Variants in RYR2 observed in about 807,000 individuals in gnomAD.
RYR2 encodes cardiac muscle ryanodine receptor-calcium release channel.
Under a neutral mutation model 601.1 loss-of-function variants are expected in RYR2, and 227 were observed. The ratio of observed to expected loss-of-function variants is 0.38; its 90% CI spans 0.34 to 0.42. The LOEUF is 0.42. Among genes scored for constraint, RYR2 ranks in the 10% least tolerant of loss-of-function variants. The pLI, the probability that RYR2 is intolerant of heterozygous loss-of-function variation, is 1.00. For missense variants in RYR2, 4,646 were observed against 6,156.5 expected (o/e 0.75, Z 8.21); for synonymous variants, 2,223 against 2,175.1 (o/e 1.02, Z -0.61).
intron 25 of RYR2, among the ~76,000 whole-genome samples, chr1:237,547,814 C>A (rs1047320370): frequency 6.6e-6 from 1 of 152,162 alleles, no homozygotes; most frequent in Non-Finnish European, 1.5e-5. Flanking sequence ...GCTAAGAGAT[C>A]CTTGAACTCT....
At position 237,456,604 on chromosome 1, in the gene RYR2, T is replaced by C; in HGVS notation, c.1481T>C (p.Met494Thr). 6.6e-7 allele frequency: 1 copy of C among 1,506,868 alleles called. No homozygotes were observed. The highest frequency in any genetic ancestry group is 2.4e-5 in the East Asian group (1 of 41,704). The allele number at this position is 1,506,868 out of a possible 1,614,324, so 93.3% of individuals were successfully genotyped here. The change falls in exon 16 of 105, where the codon ATG becomes ACG. Residue 494 changes from methionine to threonine, a missense_variant. By Grantham distance (81) the Met-to-Thr change is moderately conservative. This residue lies in a region of RYR2 where 1,807 missense variants were observed against 2,088.1 expected (regional missense o/e 0.87). Transcript: ENST00000366574. ...NRQNLFQEEG[M>T]INLVLECIDR... ...TTTTTTTTTTTAACGTTCCAGGGAA[T>C]GATCAACCTCGTGCTTGAGTGCATA... is the stretch of plus-strand genomic sequence containing the variant.
intron 1 of RYR2, among the ~76,000 whole-genome samples, chr1:237,084,423 C>A (rs1666079707): frequency 6.6e-6 from 1 of 152,186 alleles, no homozygotes; most frequent in Non-Finnish European, 1.5e-5. Context: ...TTGAATGGCA[C>A]TTGTAAGAAA....
At chr1:237,462,242 T>C (rs1659564928) in intron 16 of RYR2, among the ~76,000 whole-genome samples, 1 of 152,200 alleles carries the variant, frequency 6.6e-6, no homozygotes, top group South Asian at 2.1e-4. Flanking sequence ...GCCACTGTCT[T>C]TGTATTTTTT....
chr1:237,438,792 A>AATC (rs1707636601), intron 12 of RYR2, among the ~76,000 whole-genome samples: 1 of 152,210 alleles, frequency 6.6e-6, no homozygotes, highest in Admixed American at 6.5e-5. Context: ...GCCACCTACC[A>AATC]ATCACGCAAG....
At chr1:237,318,260 T>G (rs1695298707) in intron 2 of RYR2, among the ~76,000 whole-genome samples, 1 of 152,168 alleles carries the variant, frequency 6.6e-6, no homozygotes, top group African/African-American at 2.4e-5. Context: ...TTCCTTTCCC[T>G]TCCTTCATAC....
At chr1:237,506,130 T>G (rs1665201665) in intron 22 of RYR2, among the ~76,000 whole-genome samples, 1 of 150,964 alleles carries the variant, frequency 6.6e-6, no homozygotes, top group South Asian at 2.1e-4. Context: ...CCATATCCAT[T>G]AAACATCTTT....
chr1:237,213,638 C>A (rs1360806357), intron 1 of RYR2, among the ~76,000 whole-genome samples: 2 of 152,066 alleles, frequency 1.3e-5, no homozygotes, highest in Non-Finnish European at 2.9e-5. Flanking sequence ...AGATTATTTA[C>A]CCTTAGTGAA....
intron 71 of RYR2, among the ~76,000 whole-genome samples, chr1:237,714,818 A>G (rs755215225): frequency 3.3e-5 from 5 of 151,438 alleles, no homozygotes; most frequent in Non-Finnish European, 7.4e-5. Context: ...GTGAAACCCC[A>G]TCTCTACTAA....
chr1:237,832,447 C>A, intron 104 of RYR2, 105 bp from the exon 105 acceptor site: 1 of 595,270 alleles, frequency 1.7e-6, no homozygotes, highest in Non-Finnish European at 3.0e-6. Context: ...TTAATGTGGA[C>A]TTCTCTATTC....
chr1:237,317,645 T>C (rs1458033939), intron 2 of RYR2, among the ~76,000 whole-genome samples: 1 of 152,158 alleles, frequency 6.6e-6, no homozygotes, highest in Non-Finnish European at 1.5e-5. Flanking sequence ...TAACTTCTTT[T>C]CCAATCTGGA....
rs1679844291 is a variant in RYR2, at chr1:237,627,836, A to G, written c.6196A>G (p.Met2066Val). ...STLQQLISET[M>V]VRWAQESVIE... ...TCTGCAGCAGCTGATTTCTGAGACC[A>G]TGGTCCGATGGGCTCAGGAGTCTGT... The change falls in exon 41 of 105, where the codon ATG becomes GTG. Residue 2066 changes from methionine (M) to valine (V), a missense_variant. Met to Val is a conservative substitution (Grantham distance 21, BLOSUM62 1). Transcript: ENST00000366574. 1.2e-6 allele frequency: 2 copies of G among 1,609,304 alleles called. No individual in the cohort carries two copies. Among genetic ancestry groups the G allele is most frequent in the Non-Finnish European group, 1.7e-6 (2 of 1,176,428 alleles).
chr1:237,590,026 G>A (rs761437203), intron 30 of RYR2, 25 bp downstream of exon 30: 5 of 1,589,464 alleles, frequency 3.1e-6, no homozygotes, highest in Non-Finnish European at 4.3e-6. Flanking sequence ...TAAAAATCAG[G>A]CCATTTCTAA....
At chr1:237,098,850 A>T (rs1302829002) in intron 1 of RYR2, among the ~76,000 whole-genome samples, 1 of 152,204 alleles carries the variant, frequency 6.6e-6, no homozygotes, top group Non-Finnish European at 1.5e-5. Flanking sequence ...AGATGATTCA[A>T]TCCTGACTGA....
intron 1 of RYR2, among the ~76,000 whole-genome samples, chr1:237,109,500 A>C (rs12125175): frequency 7.2e-5 from 11 of 151,768 alleles, no homozygotes; most frequent in Non-Finnish European, 1.5e-5. Context: ...TATGCTTTCC[A>C]TCCCTAAAAC....
At chr1:237,454,595 A>G in intron 15 of RYR2, 21 bp downstream of exon 15, 3 of 1,608,656 alleles carry the variant, frequency 1.9e-6, no homozygotes, top group Non-Finnish European at 1.7e-6. Flanking sequence ...ATCAACACTC[A>G]TTTCTCTTCT....
At chr1:237,372,239 AATGTGTTACATCAC>A (rs763263324) in intron 6 of RYR2, among the ~76,000 whole-genome samples, 8 of 152,166 alleles carry the variant, frequency 5.3e-5, no homozygotes, top group Non-Finnish European at 1.0e-4. Context: ...CATTTCTTTT[AATGTGTTACATCAC>A]ATGAATAGGT....
intron 1 of RYR2, among the ~76,000 whole-genome samples, chr1:237,165,943 C>A (rs1352474958): frequency 6.6e-6 from 1 of 152,134 alleles, no homozygotes; most frequent in Non-Finnish European, 1.5e-5. Context: ...CTGCAGTGAG[C>A]TATGATGCTG....
At position 237,042,560 on chromosome 1, in the gene RYR2, C is replaced by T; in HGVS notation, c.39C>T (p.Phe13=). Residue 13 remains phenylalanine, a synonymous_variant, in exon 1 of 105, where the codon TTC becomes TTT. Transcript: ENST00000366574. ...GCGAGGGCGAAGACGAGATCCAGTTCCTGCGAACTGTAAGCGCCGTGCGTC... is the reference window on the plus strand; with the variant it reads ...GCGAGGGCGAAGACGAGATCCAGTTTCTGCGAACTGTAAGCGCCGTGCGTC... ...DGGEGEDEIQ[F]LRTDDEVVLQ... is the part of the protein sequence containing the mutation. The T allele has an allele frequency of 2.4e-6, 3 of 1,262,006 alleles. No individual in the cohort carries two copies. Among genetic ancestry groups the T allele is most frequent in the Non-Finnish European group, 3.0e-6 (3 of 995,844 alleles). The allele number at this position is 1,262,006 out of a possible 1,614,324, so 78.2% of individuals were successfully genotyped here. A position where few individuals can be genotyped will look rare whatever the true frequency, so the allele number is the denominator to read the frequency against.
At chr1:237,793,845 CG>C (rs1658752538) in intron 94 of RYR2, 21 bp from the exon 95 acceptor site, 1 of 1,564,096 alleles carries the variant, frequency 6.4e-7, no homozygotes. Context: ...CTAATTTTAA[CG>C]TATTTATTTT....
Sources: gnomAD v4.1 joint callset for allele counts (sites outside exome capture counted in the v4.1 genomes callset) on GRCh38, gnomAD v4.1.1 for gene constraint, gnomAD v4.1.1 regional missense constraint, MANE v1.5 for transcripts, NCBI Gene and HGNC (gene_info 2026-07-23, HGNC 2026-07-21) for gene names.